The following EVI5 variants were observed in gnomAD, a reference collection of about 807,000 sequenced individuals.
EVI5 encodes the protein ecotropic viral integration site 5.
EVI5 carries 73 observed loss-of-function variants against 112.0 expected under a neutral mutation model. That is an observed-to-expected ratio of 0.65 (90% CI 0.54 to 0.79). The LOEUF (loss-of-function observed/expected upper bound fraction) is 0.79. EVI5 is among the 30% of genes least tolerant of loss of function. EVI5 has a pLI of 0.00. For synonymous variants in EVI5, 305 were observed against 319.9 expected (o/e 0.95, Z 0.50); for missense variants, 900 against 968.8 (o/e 0.93, Z 0.94).
At position 92,615,671 on chromosome 1, in the gene EVI5, G is replaced by A. The variant is rs192032487; in HGVS notation, c.1828-7944C>T. Among the ~76,000 whole-genome samples the A allele has an allele frequency of 6.1e-4, 93 of 152,144 alleles. No homozygotes were observed. The East Asian group carries it at 0.013, about 21-fold the overall frequency. On this transcript the variant is annotated intron_variant, in intron 16 of 19. Transcript: ENST00000684568. ...CTTTGTCTGAGGAGATGAACCCTGC[G>A]CTGCTTGAGGCAACATTGATGCCCT...
chr1:92,564,227 T>C (rs76694097), intron 18 of EVI5, among the ~76,000 whole-genome samples: 3,920 of 152,218 alleles, frequency 0.026, 125 homozygotes, highest in African/African-American at 0.073. Flanking sequence ...AAAATATATC[T>C]TTTGAAAGAG....
chr1:92,649,200 T>C lies in EVI5; in HGVS notation c.1393-12864A>G, dbSNP rs892601545. On this transcript the variant is annotated intron_variant, in intron 13 of 19. Transcript: ENST00000684568. ...TTGGAGAAAAGTCCACTCAAGTCTTTTGCCCACTTTATAACTGGGTTGTCT... is the reference window on the plus strand; with the variant it reads ...TTGGAGAAAAGTCCACTCAAGTCTTCTGCCCACTTTATAACTGGGTTGTCT... 3.9e-5 allele frequency among the ~76,000 whole-genome samples: 6 copies of C among 152,218 alleles called. 1 individual carries two copies. Among genetic ancestry groups the C allele is most frequent in the Admixed American group, 3.3e-4 (5 of 15,274 alleles).
chr1:92,738,270 A>C (rs1199056304), intron 1 of EVI5, among the ~76,000 whole-genome samples: 1 of 152,202 alleles, frequency 6.6e-6, no homozygotes, highest in East Asian at 1.9e-4. Flanking sequence ...TAACAACTAT[A>C]AACTCAATTG....
At chr1:92,706,414 T>C (rs1346137479) in intron 2 of EVI5, among the ~76,000 whole-genome samples, 1 of 152,234 alleles carries the variant, frequency 6.6e-6, no homozygotes, top group Non-Finnish European at 1.5e-5. Flanking sequence ...CAAATTTTAC[T>C]GAAATAACCT....
chr1:92,524,686 T>C (rs1389933452), intron 19 of EVI5, among the ~76,000 whole-genome samples: 1 of 152,192 alleles, frequency 6.6e-6, no homozygotes, highest in Admixed American at 6.5e-5. Context: ...CCTTTTCTTT[T>C]CTTCTTCCTA....
intron 9 of EVI5, among the ~76,000 whole-genome samples, chr1:92,686,227 G>C (rs937489593): frequency 3.3e-5 from 5 of 152,206 alleles, no homozygotes; most frequent in Non-Finnish European, 7.3e-5. Context: ...TCCCTGGGAT[G>C]CAAGGCTGCT....
At chr1:92,545,816 C>T (rs1665595663) in intron 19 of EVI5, among the ~76,000 whole-genome samples, 1 of 152,034 alleles carries the variant, frequency 6.6e-6, no homozygotes, top group Non-Finnish European at 1.5e-5. Flanking sequence ...CATTTTCCTC[C>T]TACCTTTCAT....
intron 2 of EVI5, among the ~76,000 whole-genome samples, chr1:92,712,130 C>A (rs550551452): frequency 6.6e-4 from 100 of 152,202 alleles, no homozygotes; most frequent in Non-Finnish European, 1.1e-3. Context: ...AACAAAAAGA[C>A]CATAGCAAAA....
Position 92,679,026 on chromosome 1 carries a change from C to A in EVI5, c.1098-1808G>T, listed in dbSNP as rs567367244. Among the ~76,000 whole-genome samples, 4 of 152,324 alleles carry A rather than the reference C, an allele frequency of 2.6e-5. No homozygotes were observed. The South Asian group carries it at 6.2e-4, about 24-fold the overall frequency. ...ATACCAGTCTGTGGCCTGTTAGGAA[C>A]TGGGTCATACAGCAGGAGGTGAACG... On this transcript the variant is annotated intron_variant, in intron 9 of 19. Transcript: ENST00000684568.
chr1:92,627,613 T>C (rs778407655), intron 14 of EVI5, among the ~76,000 whole-genome samples: 1 of 152,210 alleles, frequency 6.6e-6, no homozygotes. Flanking sequence ...CTGTTTTCCA[T>C]AGTGGCAGTA....
chr1:92,603,060 G>A (rs1238201117), intron 18 of EVI5, among the ~76,000 whole-genome samples: 1 of 152,136 alleles, frequency 6.6e-6, no homozygotes, highest in Non-Finnish European at 1.5e-5. Flanking sequence ...TTTCTCCAAA[G>A]AAGATATATA....
chr1:92,783,503 A>AAAAAAAGAAAAG (rs1396648599), intron 1 of EVI5, among the ~76,000 whole-genome samples: 1 of 148,008 alleles, frequency 6.8e-6, no homozygotes, highest in Non-Finnish European at 1.5e-5. Context: ...AAAAAAAAAA[A>AAAAAAAGAAAAG]AAAAGAAAAG....
chr1:92,700,714 T>G (rs925728391), intron 5 of EVI5: 1 of 152,084 alleles, frequency 6.6e-6, no homozygotes, highest in Non-Finnish European at 1.5e-5. Flanking sequence ...GCTCTTTAGA[T>G]GCCCAAGAGA....
chr1:92,761,292 TAAAC>T (rs948547009), intron 1 of EVI5, among the ~76,000 whole-genome samples: 2 of 152,160 alleles, frequency 1.3e-5, no homozygotes, highest in African/African-American at 2.4e-5. Context: ...CAACTTTGCT[TAAAC>T]AAAATTACAA....
At chr1:92,547,012 C>T (rs1432141086) in intron 19 of EVI5, among the ~76,000 whole-genome samples, 1 of 152,182 alleles carries the variant, frequency 6.6e-6, no homozygotes, top group East Asian at 1.9e-4. Flanking sequence ...CAGACATCTA[C>T]AGAACTCTCC....
chr1:92,579,538 T>C (rs1671611996), intron 18 of EVI5, among the ~76,000 whole-genome samples: 1 of 152,214 alleles, frequency 6.6e-6, no homozygotes, highest in Non-Finnish European at 1.5e-5. Context: ...ATTTCCTTTT[T>C]CAGCAATTTT....
At chr1:92,580,982 G>A (rs1418257780) in intron 18 of EVI5, among the ~76,000 whole-genome samples, 1 of 151,892 alleles carries the variant, frequency 6.6e-6, no homozygotes, top group East Asian at 1.9e-4. Flanking sequence ...TGGGATTTTT[G>A]GTTTTGTGAA....
In EVI5 at chr1:92,695,416, T is replaced by C; in HGVS notation, c.803A>G (p.Gln268Arg). The change falls in exon 7 of 20, where the codon CAG becomes CGG. Residue 268 changes from glutamine to arginine, a missense_variant. Coordinates refer to ENST00000684568, the MANE Select transcript of EVI5 (RefSeq NM_001350197.2). ...TGCATACATTGAGGTATGAAAACTCTGAGATTGAAAATGTACAAAGAGCTC... is the reference window on the plus strand; with the variant it reads ...TGCATACATTGAGGTATGAAAACTCCGAGATTGAAAATGTACAAAGAGCTC... The part of the protein sequence containing the change: ...LPELFVHFQS[Q>R]SFHTSMYASS... The C allele has an allele frequency of 6.2e-7, 1 of 1,608,184 alleles. No homozygotes were observed. Among genetic ancestry groups the C allele is most frequent in the Non-Finnish European group, 8.5e-7 (1 of 1,175,294 alleles).
At chr1:92,518,603 T>C (rs745315030) in intron 19 of EVI5, among the ~76,000 whole-genome samples, 21 of 150,100 alleles carry the variant, frequency 1.4e-4, no homozygotes, top group African/African-American at 3.4e-4. Context: ...AATTCGAGGA[T>C]AGTATCTCCG....
Sources: gnomAD v4.1 joint callset for allele counts (sites outside exome capture counted in the v4.1 genomes callset) on GRCh38, gnomAD v4.1.1 for gene constraint, MANE v1.5 for transcripts, NCBI Gene and HGNC (gene_info 2026-07-23, HGNC 2026-07-21) for gene names.